SLC3A2: variants seen among roughly 807,000 people sequenced by gnomAD.
SLC3A2 encodes solute carrier family 3 member 2.
In SLC3A2, 32 loss-of-function variants were observed where a neutral mutation model predicts 48.5. The ratio of observed to expected loss-of-function variants is 0.66; its 90% CI spans 0.50 to 0.89. SLC3A2 has a LOEUF of 0.89. Ranked by LOEUF, SLC3A2 falls within the 40% of genes least tolerant of loss-of-function variation. The pLI, the probability that SLC3A2 is intolerant of heterozygous loss-of-function variation, is 0.00. For missense variants in SLC3A2, 587 were observed against 680.7 expected, an observed-to-expected ratio of 0.86 and a Z score of 1.53; for synonymous variants, 277 against 288.8, an observed-to-expected ratio of 0.96 and a Z score of 0.41.
chr11:62,888,589 C>G lies in SLC3A2; in HGVS notation c.1486C>G (p.Leu496Val). Reference protein sequence around the residue: ...ASLPAKADLLLSTQPGREEGS... With the variant: ...ASLPAKADLLVSTQPGREEGS... ...CCTGCCAGCCAAGGCTGACCTCCTG[C>G]TCAGCACCCAGCCAGGCCGTGAGGA... The change falls in exon 9 of 9, where the codon CTC (leucine) becomes GTC (valine). Residue 496 changes from leucine to valine, a missense_variant. Coordinates refer to ENST00000338663, the MANE Select transcript of SLC3A2 (RefSeq NM_001013251.3). 6.2e-7 allele frequency: 1 copy of G among 1,613,574 alleles called. No individual in the cohort carries two copies. The highest frequency in any genetic ancestry group is 8.5e-7 in the Non-Finnish European group (1 of 1,180,030).
At position 62,885,180 on chromosome 11, in the gene SLC3A2, C is replaced by G. The variant is rs1342441056; in HGVS notation, c.822C>G (p.Leu274=). The G allele has an allele frequency of 6.2e-7, 1 of 1,614,014 alleles. No homozygotes were observed. Among genetic ancestry groups the G allele is most frequent in the Admixed American group, 1.7e-5 (1 of 60,006 alleles). ...NITKGFSEDR[L]LIAGTNSSDL... is the part of the protein sequence containing the mutation. ...AACTCCTCCCTCCCCTCTGCAGGCT[C>G]TTGATTGCGGGGACTAACTCCTCCG... Residue 274 remains leucine (L), a synonymous_variant, in exon 6 of 9, where the codon CTC becomes CTG. Coordinates refer to ENST00000338663, the MANE Select transcript of SLC3A2 (RefSeq NM_001013251.3).
upstream of SLC3A2, among the ~76,000 whole-genome samples, chr11:62,875,958 AG>A (rs2085566877): frequency 6.6e-6 from 1 of 152,150 alleles, no homozygotes; most frequent in Non-Finnish European, 1.5e-5. Context: ...CCTCAACCTG[AG>A]GGCTCAAGTG....
chr11:62,871,869 G>C (rs1415793582), intron 1 of SLC3A2, among the ~76,000 whole-genome samples: 1 of 151,742 alleles, frequency 6.6e-6, no homozygotes, highest in Non-Finnish European at 1.5e-5. Flanking sequence ...TAGATTGTTT[G>C]GGGAGCACTA....
chr11:62,882,462 A>G (rs1422614884), intron 2 of SLC3A2: 2 of 248,596 alleles, frequency 8.0e-6, no homozygotes, highest in Non-Finnish European at 1.6e-5. Flanking sequence ...ACTTCTCTGC[A>G]CTATAAACTT....
chr11:62,875,036 TAC>T (rs1316702723), intron 1 of SLC3A2, among the ~76,000 whole-genome samples: 1 of 152,228 alleles, frequency 6.6e-6, no homozygotes, highest in Non-Finnish European at 1.5e-5. Flanking sequence ...ATGCTGGGAT[TAC>T]AGGCATGAGC....
At chr11:62,871,671 T>C (rs2134991196) in intron 1 of SLC3A2, 2 of 614,934 alleles carry the variant, frequency 3.3e-6, no homozygotes, top group East Asian at 6.1e-5. Context: ...AGGTTACAGG[T>C]AATTATTATT....
At chr11:62,882,685 T>C in intron 2 of SLC3A2, 1 of 502,422 alleles carries the variant, frequency 2.0e-6, no homozygotes, top group South Asian at 2.2e-5. Flanking sequence ...ATTTTCAACA[T>C]GTTGACCGGT....
At chr11:62,864,696 G>T (rs2085434669) in intron 1 of SLC3A2, among the ~76,000 whole-genome samples, 1 of 151,768 alleles carries the variant, frequency 6.6e-6, no homozygotes, top group Non-Finnish European at 1.5e-5. Flanking sequence ...TCGACCTCCT[G>T]ACCTCGTGAT....
In SLC3A2 at chr11:62,880,987, C is replaced by G; in HGVS notation, c.-37C>G. 1 of 1,535,332 alleles carries G rather than the reference C, an allele frequency of 6.5e-7. No individual in the cohort carries two copies. The highest frequency in any genetic ancestry group is 8.8e-7 in the Non-Finnish European group (1 of 1,139,320). On this transcript the variant is annotated 5_prime_UTR_variant, in exon 1 of 9. Transcript: ENST00000338663. The stretch of plus-strand genomic sequence containing the variant: ...AGGTAGGGGTTGAGCCACCATCTGA[C>G]CGCAAGCTGCGTCGTGTCGCCGGTT...
upstream of SLC3A2, among the ~76,000 whole-genome samples, chr11:62,879,833 G>A (rs886537214): frequency 2.0e-5 from 3 of 152,180 alleles, no homozygotes; most frequent in Admixed American, 1.3e-4. Context: ...GTTCCCTGCT[G>A]TGAACCCTGT....
intron 3 of SLC3A2, 22 bp from the exon 4 acceptor site, chr11:62,884,435 T>C: frequency 6.2e-7 from 1 of 1,614,086 alleles, no homozygotes; most frequent in Non-Finnish European, 8.5e-7. Context: ...ATGTCTGTCC[T>C]TTATTCTTCT....
chr11:62,879,644 C>T (rs564982568), upstream of SLC3A2, among the ~76,000 whole-genome samples: 53 of 152,380 alleles, frequency 3.5e-4, no homozygotes, highest in African/African-American at 1.3e-3. Context: ...TATGCTATTA[C>T]TTCAGATCTT....
At chr11:62,882,365 G>C (rs906950482) in intron 2 of SLC3A2, 7 of 348,860 alleles carry the variant, frequency 2.0e-5, no homozygotes, top group Admixed American at 4.4e-5. Flanking sequence ...GTTTTTTTGG[G>C]GGGGGGGAAT....
chr11:62,865,116 A>AT (rs1292632330), intron 1 of SLC3A2, among the ~76,000 whole-genome samples: 1 of 152,120 alleles, frequency 6.6e-6, no homozygotes, highest in Non-Finnish European at 1.5e-5. Context: ...GTGTTTAGGC[A>AT]TTTCCCTTTA....
At chr11:62,856,571 A>G (rs1017860160) in intron 1 of SLC3A2, among the ~76,000 whole-genome samples, 2 of 152,190 alleles carry the variant, frequency 1.3e-5, no homozygotes, top group East Asian at 3.8e-4. Context: ...GCTAACATTT[A>G]TGGAGCACCG....
chr11:62,883,088 C>T, intron 3 of SLC3A2, 89 bp downstream of exon 3: 1 of 1,222,392 alleles, frequency 8.2e-7, no homozygotes, highest in Non-Finnish European at 1.2e-6. Context: ...CAGCCTGACT[C>T]CAGCTGAGGG....
At chr11:62,860,227 C>T (rs1244464697) in intron 1 of SLC3A2, among the ~76,000 whole-genome samples, 3 of 151,724 alleles carry the variant, frequency 2.0e-5, no homozygotes, top group Non-Finnish European at 4.4e-5. Flanking sequence ...ATTGGCCGGG[C>T]GCGGTGGCTC....
intron 1 of SLC3A2, among the ~76,000 whole-genome samples, chr11:62,862,545 C>G (rs1437949266): frequency 6.6e-6 from 1 of 151,942 alleles, no homozygotes; most frequent in East Asian, 1.9e-4. Flanking sequence ...CCTAAACTAC[C>G]CCTTCTCACC....
At chr11:62,885,019 C>T (rs1213418333) in intron 5 of SLC3A2, among the ~76,000 whole-genome samples, 158 bp from the exon 6 acceptor site, 1 of 151,644 alleles carries the variant, frequency 6.6e-6, no homozygotes, top group African/African-American at 2.4e-5. Context: ...TTAGTAGAGA[C>T]GGGGTTTCTC....
Sources: allele counts gnomAD v4.1 joint callset (sites outside exome capture counted in the v4.1 genomes callset), GRCh38; gene constraint gnomAD v4.1.1; transcripts MANE v1.5; gene names NCBI Gene and HGNC (gene_info 2026-07-23, HGNC 2026-07-21).